The following ERBB4 variants were observed in gnomAD, a reference collection of about 807,000 sequenced individuals.
ERBB4 encodes erb-b2 receptor tyrosine kinase 4.
A neutral mutation model predicts 158.0 loss-of-function variants in ERBB4; 42 were observed. That is an observed-to-expected ratio of 0.27 (90% CI 0.21 to 0.34). The LOEUF (loss-of-function observed/expected upper bound fraction) is 0.34, where lower values mean the gene tolerates loss of function less well. Among genes scored for constraint, ERBB4 ranks in the 10% least tolerant of loss-of-function variants. The pLI is 1.00. For missense variants in ERBB4, 1,333 were observed against 1,624.1 expected (o/e 0.82, Z 3.08); for synonymous variants, 583 against 558.7 (o/e 1.04, Z -0.61).
chr2:211,973,069 A>G (rs1306838624), intron 2 of ERBB4, among the ~76,000 whole-genome samples: 1 of 152,222 alleles, frequency 6.6e-6, no homozygotes, highest in Non-Finnish European at 1.5e-5. Flanking sequence ...AAGCAAATTG[A>G]CAAGAAAAAG....
intron 1 of ERBB4, among the ~76,000 whole-genome samples, chr2:212,457,331 T>G (rs2106050812): frequency 6.6e-6 from 1 of 152,122 alleles, no homozygotes; most frequent in Non-Finnish European, 1.5e-5. Flanking sequence ...CCTACATGAA[T>G]GTTTGCTGGT....
At chr2:212,472,576 T>C (rs1161085855) in intron 1 of ERBB4, among the ~76,000 whole-genome samples, 2 of 151,622 alleles carry the variant, frequency 1.3e-5, no homozygotes, top group Non-Finnish European at 3.0e-5. Flanking sequence ...TGAAGGCAAA[T>C]GCAGAGAGGT....
At chr2:211,431,134 T>A (rs1193400140) in intron 20 of ERBB4, 34 bp from the exon 21 acceptor site, 1 of 1,600,642 alleles carries the variant, frequency 6.2e-7, no homozygotes, top group African/African-American at 1.3e-5. Flanking sequence ...TGATATTCAG[T>A]TAATGCCCAG....
At chr2:212,280,865 G>C (rs1311702047) in intron 1 of ERBB4, among the ~76,000 whole-genome samples, 11 of 151,634 alleles carry the variant, frequency 7.3e-5, no homozygotes, top group Non-Finnish European at 1.5e-5. Context: ...CTCATTTTAG[G>C]AATCAGAAAC....
chr2:212,347,063 A>G (rs2089037352), intron 1 of ERBB4, among the ~76,000 whole-genome samples: 1 of 152,132 alleles, frequency 6.6e-6, no homozygotes, highest in Non-Finnish European at 1.5e-5. Flanking sequence ...GTCATATCAG[A>G]TAGGCCTAAG....
At position 211,699,344 on chromosome 2, in the gene ERBB4, A is replaced by AAGAC. The variant is rs564189853; in HGVS notation, c.1489+2619_1489+2622dup. 4.9e-3 allele frequency among the ~76,000 whole-genome samples: 746 copies of AAGAC among 152,292 alleles called. 1 individual carries two copies. The highest frequency in any genetic ancestry group is 8.2e-3 in the Non-Finnish European group (559 of 68,014). On this transcript the variant is annotated intron_variant, in intron 12 of 27. Coordinates refer to ENST00000342788, the MANE Select transcript of ERBB4 (RefSeq NM_005235.3). ...ACATCTTGTGTGTGTGTGATATAGCAAGACAGAATATCTAAAAATGAAACA... is the reference window on the plus strand; with the variant it reads ...ACATCTTGTGTGTGTGTGATATAGCAAGACAGACAGAATATCTAAAAATGAAACA...
chr2:212,385,524 T>C (rs184810951), intron 1 of ERBB4, among the ~76,000 whole-genome samples: 4 of 152,006 alleles, frequency 2.6e-5, no homozygotes, highest in Admixed American at 2.0e-4. Context: ...AACTCTCTTC[T>C]TGATATAAAC....
chr2:212,119,714 C>T (rs2079686794), intron 2 of ERBB4, among the ~76,000 whole-genome samples: 1 of 151,876 alleles, frequency 6.6e-6, no homozygotes, highest in African/African-American at 2.4e-5. Context: ...ATTTCTCTTC[C>T]CAAAAAGAAA....
At chr2:212,454,023 C>G (rs1351291507) in intron 1 of ERBB4, among the ~76,000 whole-genome samples, 1 of 151,714 alleles carries the variant, frequency 6.6e-6, no homozygotes, top group East Asian at 1.9e-4. Context: ...TCACTGCAAC[C>G]TTCACCTCCC....
intron 20 of ERBB4, among the ~76,000 whole-genome samples, chr2:211,493,001 G>A (rs568392486): frequency 5.9e-5 from 9 of 152,148 alleles, no homozygotes; most frequent in Admixed American, 1.3e-4. Flanking sequence ...ATTAACAATT[G>A]GCACTCAGGT....
intron 14 of ERBB4, among the ~76,000 whole-genome samples, chr2:211,665,799 T>G (rs1264235811): frequency 6.6e-6 from 1 of 152,220 alleles, no homozygotes; most frequent in Non-Finnish European, 1.5e-5. Context: ...TGTGACTTAA[T>G]TTGATCAGCA....
chr2:212,190,121 T>C (rs1217951590), intron 1 of ERBB4, among the ~76,000 whole-genome samples: 3 of 150,268 alleles, frequency 2.0e-5, no homozygotes, highest in Non-Finnish European at 4.5e-5. Flanking sequence ...TAAAAAGTTT[T>C]ACTTACTGAA....
chr2:211,512,508 A>C (rs763629351), intron 20 of ERBB4, among the ~76,000 whole-genome samples: 6 of 152,042 alleles, frequency 3.9e-5, no homozygotes, highest in Non-Finnish European at 7.4e-5. Flanking sequence ...CATTTATATT[A>C]GAAATCACTA....
intron 3 of ERBB4, among the ~76,000 whole-genome samples, chr2:211,860,370 T>G (rs1186431607): frequency 1.3e-5 from 2 of 152,160 alleles, no homozygotes; most frequent in Non-Finnish European, 2.9e-5. Context: ...AATTGCTGCT[T>G]TCTTTGTTTT....
chr2:211,831,243 G>A (rs1233081585), intron 3 of ERBB4, among the ~76,000 whole-genome samples: 2 of 152,104 alleles, frequency 1.3e-5, no homozygotes, highest in African/African-American at 4.8e-5. Context: ...AGTGGCTACT[G>A]GGACAACAAA....
chr2:211,819,018 T>C (rs2076936301), intron 3 of ERBB4, among the ~76,000 whole-genome samples: 1 of 152,112 alleles, frequency 6.6e-6, no homozygotes. Context: ...AAATGAAGCA[T>C]AATATTGGCT....
chr2:211,665,175 CTCAG>C, intron 15 of ERBB4, 144 bp downstream of exon 15: 1 of 839,856 alleles, frequency 1.2e-6, no homozygotes, highest in South Asian at 1.5e-5. Context: ...AAATCATTCT[CTCAG>C]TATTTCTCTT....
chr2:211,633,917 G>A (rs769344510), intron 16 of ERBB4, among the ~76,000 whole-genome samples: 1 of 152,202 alleles, frequency 6.6e-6, no homozygotes, highest in Non-Finnish European at 1.5e-5. Context: ...CCCACACCTT[G>A]GGAGGCCAAG....
chr2:212,169,892 A>G (rs147285631), intron 1 of ERBB4, among the ~76,000 whole-genome samples: 1 of 152,252 alleles, frequency 6.6e-6, no homozygotes, highest in Non-Finnish European at 1.5e-5. Context: ...CTGAGGCCTC[A>G]TCGGCCATGT....
Sources: allele counts gnomAD v4.1 joint callset (sites outside exome capture counted in the v4.1 genomes callset), GRCh38; gene constraint gnomAD v4.1.1; transcripts MANE v1.5; gene names NCBI Gene and HGNC (gene_info 2026-07-23, HGNC 2026-07-21).